The following BLTP3A variants were observed in gnomAD, a reference collection of about 807,000 sequenced individuals.
BLTP3A encodes the protein bridge-like lipid transfer protein family member 3A.
At chr6:34,796,707 A>T in the BLTP3A span, among the ~76,000 whole-genome samples, 2 of 152,236 alleles carry the variant, frequency 1.3e-5, no homozygotes, top group Non-Finnish European at 2.9e-5. Context: ...GGAGCCAAAC[A>T]TGCCAGATTC....
chr6:34,868,427 G>C, the BLTP3A span, among the ~76,000 whole-genome samples: 1 of 151,134 alleles, frequency 6.6e-6, no homozygotes, highest in African/African-American at 2.4e-5. Context: ...GACCTCAGCT[G>C]TACAAAAAAT....
chr6:34,800,404 G>A, the BLTP3A span, among the ~76,000 whole-genome samples: 2 of 152,276 alleles, frequency 1.3e-5, no homozygotes, highest in South Asian at 4.2e-4. Flanking sequence ...GATGCGTTGA[G>A]TGGGTAAATT....
chr6:34,824,060 G>A, the BLTP3A span, among the ~76,000 whole-genome samples: 1 of 151,374 alleles, frequency 6.6e-6, no homozygotes, highest in Non-Finnish European at 1.5e-5. Context: ...CCCCACCTCA[G>A]TCTCCCAAGT....
At chr6:34,820,684 T>G in the BLTP3A span, among the ~76,000 whole-genome samples, 6 of 149,460 alleles carry the variant, frequency 4.0e-5, no homozygotes, top group Non-Finnish European at 5.9e-5. Flanking sequence ...TGTCTGGTGT[T>G]TGTTTGTTTT....
chr6:34,845,592 A>AATT, the BLTP3A span, among the ~76,000 whole-genome samples: 28 of 148,134 alleles, frequency 1.9e-4, no homozygotes, highest in Non-Finnish European at 4.0e-4. Context: ...CTAATTTTTA[A>AATT]ATTATTATTA....
At chr6:34,872,298 C>G in the BLTP3A span, 1 of 1,599,742 alleles carries the variant, frequency 6.3e-7, no homozygotes. Flanking sequence ...CTGTTAACTA[C>G]TTATTGTTCC....
the BLTP3A span, among the ~76,000 whole-genome samples, chr6:34,823,585 C>T: frequency 6.7e-6 from 1 of 150,344 alleles, no homozygotes; most frequent in African/African-American, 2.5e-5. Context: ...CTCTGTCACC[C>T]AGGCTGGAGT....
At chr6:34,842,995 T>G in the BLTP3A span, among the ~76,000 whole-genome samples, 1 of 152,164 alleles carries the variant, frequency 6.6e-6, no homozygotes, top group Non-Finnish European at 1.5e-5. Flanking sequence ...TATTTATTTA[T>G]TTTTTTGAAA....
At chr6:34,837,612 A>G in the BLTP3A span, among the ~76,000 whole-genome samples, 1 of 152,104 alleles carries the variant, frequency 6.6e-6, no homozygotes, top group African/African-American at 2.4e-5. Flanking sequence ...CAGGAGCTCA[A>G]GGTTGCAGTG....
the BLTP3A span, among the ~76,000 whole-genome samples, chr6:34,850,403 G>A: frequency 6.5e-3 from 994 of 152,178 alleles, 11 homozygotes; most frequent in African/African-American, 0.023. Flanking sequence ...TCTTCTCTAG[G>A]TTTGGAAAAT....
the BLTP3A span, among the ~76,000 whole-genome samples, chr6:34,841,878 A>G: frequency 6.6e-6 from 1 of 152,228 alleles, no homozygotes; most frequent in African/African-American, 2.4e-5. Context: ...GGAAGAGAGT[A>G]CCACCTACTT....
the BLTP3A span, chr6:34,876,550 G>A: frequency 1.3e-5 from 2 of 152,090 alleles, no homozygotes; most frequent in African/African-American, 2.4e-5. Context: ...TCTAAAATGA[G>A]TTATAGTAAA....
chr6:34,792,126 T>TGGCGGCGGCGGCGGCGGCGGCGGCGGC, the BLTP3A span: 931 of 710,064 alleles, frequency 1.3e-3, 9 homozygotes, highest in Middle Eastern at 8.7e-3. Flanking sequence ...GAAAGCGCCA[T>TGGCGGCGGCGGCGGCGGCGGCGGCGGC]GGCGGCGGCG....
At chr6:34,794,277 G>T in the BLTP3A span, among the ~76,000 whole-genome samples, 1,346 of 152,204 alleles carry the variant, frequency 8.8e-3, 11 homozygotes, top group Middle Eastern at 0.034. Flanking sequence ...CACATTGCGT[G>T]CCTATATCAA....
the BLTP3A span, chr6:34,835,551 T>A: frequency 9.1e-6 from 13 of 1,431,306 alleles, no homozygotes; most frequent in Non-Finnish European, 1.2e-5. Context: ...AATCTAGACT[T>A]TATTTGGGAA....
the BLTP3A span, chr6:34,858,191 C>T: frequency 5.7e-5 from 92 of 1,614,130 alleles, 1 homozygote; most frequent in South Asian, 5.4e-4. Flanking sequence ...GTCTTCTCTG[C>T]GTCAGGCATG....
chr6:34,867,641 C>T, the BLTP3A span: 3 of 1,604,896 alleles, frequency 1.9e-6, no homozygotes, highest in African/African-American at 2.7e-5. Flanking sequence ...CATTCCACGA[C>T]AGATCATGGG....
chr6:34,821,509 C>T, the BLTP3A span: 2 of 772,820 alleles, frequency 2.6e-6, no homozygotes, highest in East Asian at 5.5e-5. Flanking sequence ...TTCTGTGTTC[C>T]TTCACTCCCA....
At chr6:34,809,775 C>T in the BLTP3A span, among the ~76,000 whole-genome samples, 1 of 151,968 alleles carries the variant, frequency 6.6e-6, no homozygotes, top group Non-Finnish European at 1.5e-5. Flanking sequence ...AAGGTGGTCT[C>T]GAACTCCTGG....
Sources: allele counts gnomAD v4.1 joint callset (sites outside exome capture counted in the v4.1 genomes callset), GRCh38; gene constraint gnomAD v4.1.1; transcripts MANE v1.5; gene names NCBI Gene and HGNC (gene_info 2026-07-23, HGNC 2026-07-21).